Variants in EFCAB6 observed in about 807,000 individuals in gnomAD.
The protein encoded by EFCAB6 is EF-hand calcium binding domain 6.
In EFCAB6, 156 loss-of-function variants were observed where a neutral mutation model predicts 169.8. The observed-to-expected ratio is 0.92, with a 90% CI of 0.81 to 1.05. The LOEUF (loss-of-function observed/expected upper bound fraction) is 1.05. Ranked by LOEUF, EFCAB6 falls within the 50% of genes least tolerant of loss-of-function variation. The pLI, the probability that EFCAB6 is intolerant of heterozygous loss-of-function variation, is 0.00. For synonymous variants in EFCAB6, 698 were observed against 676.4 expected, an observed-to-expected ratio of 1.03 and a Z score of -0.50; for missense variants, 1,800 against 1,829.1, an observed-to-expected ratio of 0.98 and a Z score of 0.29.
intron 3 of EFCAB6, among the ~76,000 whole-genome samples, chr22:43,776,727 G>C (rs2061653683): frequency 6.6e-6 from 1 of 152,202 alleles, no homozygotes; most frequent in South Asian, 2.1e-4. Flanking sequence ...TAGCAGGTAG[G>C]ATGGAGAACA....
chr22:43,626,619 C>T lies in EFCAB6; in HGVS notation c.2293G>A (p.Asp765Asn). Residue 765 changes from aspartate to asparagine, a missense_variant, in exon 20 of 32, where the codon GAC becomes AAC. By Grantham distance (23) the Asp-to-Asn change is conservative. Transcript: ENST00000262726. ...ADRDGIINMH[D>N]LHRLLLHLLL... ...AGATGCAGGAGCAGTCTGTGAAGGT[C>T]ATGCATGTTGATTATGCCATCCCTG... 1.2e-6 allele frequency: 2 copies of T among 1,614,182 alleles called. No homozygotes were observed. Among genetic ancestry groups the T allele is most frequent in the Non-Finnish European group, 1.7e-6 (2 of 1,180,038 alleles).
At chr22:43,623,841 G>A (rs948328643) in intron 20 of EFCAB6, among the ~76,000 whole-genome samples, 4 of 150,412 alleles carry the variant, frequency 2.7e-5, no homozygotes, top group African/African-American at 9.9e-5. Flanking sequence ...CCTGGGAGAT[G>A]GAGCTTGCAG....
At chr22:43,784,574 C>CACATATATATGTGT (rs1569487338) in intron 2 of EFCAB6, among the ~76,000 whole-genome samples, 17 of 54,782 alleles carry the variant, frequency 3.1e-4, no homozygotes, top group African/African-American at 9.6e-4. Flanking sequence ...TATATGTGTA[C>CACATATATATGTGT]ATATACACAT....
intron 21 of EFCAB6, among the ~76,000 whole-genome samples, chr22:43,615,318 TC>T (rs1434751263): frequency 7.2e-5 from 11 of 152,198 alleles, no homozygotes; most frequent in Admixed American, 7.2e-4. Flanking sequence ...GACAGCCCCA[TC>T]TCAATACCAT....
intron 4 of EFCAB6, among the ~76,000 whole-genome samples, chr22:43,769,764 T>TA (rs1331408378): frequency 6.6e-6 from 1 of 152,026 alleles, no homozygotes; most frequent in Non-Finnish European, 1.5e-5. Context: ...GGCATCATCA[T>TA]AGTGGGGTGT....
intron 20 of EFCAB6, among the ~76,000 whole-genome samples, chr22:43,616,596 G>T (rs1368661917): frequency 1.2e-5 from 1 of 85,238 alleles, no homozygotes; most frequent in Non-Finnish European, 2.3e-5. Flanking sequence ...CCTGGGAGGC[G>T]GAGGTTGCAG....
At position 43,683,751 on chromosome 22, in the gene EFCAB6, T is replaced by A. The variant is rs776881612; in HGVS notation, c.1247A>T (p.Asn416Ile). 6.2e-7 allele frequency: 1 copy of A among 1,603,678 alleles called. No homozygotes were observed. Among genetic ancestry groups the A allele is most frequent in the Admixed American group, 1.7e-5 (1 of 60,008 alleles). Residue 416 changes from asparagine to isoleucine, a missense_variant, in exon 12 of 32, where the codon AAC (asparagine) becomes ATC (isoleucine). By Grantham distance (149) the Asn-to-Ile change is moderately radical (BLOSUM62 -3). Transcript: ENST00000262726. ...AGAAGGCTTTCAAAATCTTACAGTG[T>A]TGATTATCAGTAATGCTTTCTTCAG... is the stretch of plus-strand genomic sequence containing the variant. ...ASLKKALLII[N>I]TKPDGPITRE...
At chr22:43,727,273 T>C (rs1381545466) in intron 8 of EFCAB6, among the ~76,000 whole-genome samples, 3 of 151,958 alleles carry the variant, frequency 2.0e-5, no homozygotes, top group Non-Finnish European at 4.4e-5. Context: ...AAAAAATAAT[T>C]TTAAAAATTA....
chr22:43,641,526 G>A (rs1028042853), intron 17 of EFCAB6, among the ~76,000 whole-genome samples: 3 of 151,778 alleles, frequency 2.0e-5, no homozygotes, highest in South Asian at 2.1e-4. Context: ...TGAGGCAGGA[G>A]GATCGCTTGA....
chr22:43,701,653 T>C (rs1359737767), intron 10 of EFCAB6, among the ~76,000 whole-genome samples: 2 of 151,722 alleles, frequency 1.3e-5, no homozygotes, highest in African/African-American at 4.8e-5. Flanking sequence ...GGAAAATAGA[T>C]TATCTATTTG....
intron 2 of EFCAB6, among the ~76,000 whole-genome samples, chr22:43,784,588 TATGTATATATAC>T (rs2061973788): frequency 1.8e-5 from 1 of 54,986 alleles, no homozygotes; most frequent in African/African-American, 5.0e-5. Flanking sequence ...TACACATATA[TATGTATATATAC>T]ACATATATAT....
intron 6 of EFCAB6, among the ~76,000 whole-genome samples, chr22:43,737,740 C>T (rs2060202744): frequency 6.6e-6 from 1 of 150,560 alleles, no homozygotes; most frequent in Non-Finnish European, 1.5e-5. Flanking sequence ...CACACACACA[C>T]ATGCACAGAT....
chr22:43,790,308 C>G (rs771533805), intron 2 of EFCAB6, among the ~76,000 whole-genome samples: 4 of 152,154 alleles, frequency 2.6e-5, no homozygotes, highest in Non-Finnish European at 5.9e-5. Context: ...AGGTAAACTT[C>G]CAGAATTATA....
At chr22:43,614,340 T>C (rs565085020) in intron 21 of EFCAB6, among the ~76,000 whole-genome samples, 71 of 152,150 alleles carry the variant, frequency 4.7e-4, no homozygotes, top group Middle Eastern at 3.4e-3. Context: ...ATAATCAACA[T>C]ACCCTTGACA....
intron 10 of EFCAB6, among the ~76,000 whole-genome samples, chr22:43,701,321 C>T (rs1478433671): frequency 2.0e-5 from 3 of 152,310 alleles, no homozygotes; most frequent in South Asian, 4.1e-4. Context: ...CAGATTCTTC[C>T]TTCTTAGGAG....
At chr22:43,629,749 A>T (rs1238714519) in intron 19 of EFCAB6, among the ~76,000 whole-genome samples, 1 of 152,128 alleles carries the variant, frequency 6.6e-6, no homozygotes, top group Non-Finnish European at 1.5e-5. Context: ...GCGCCATCCA[A>T]GCAAAGGAAC....
At chr22:43,695,436 T>C (rs1489988230) in intron 10 of EFCAB6, among the ~76,000 whole-genome samples, 3 of 152,048 alleles carry the variant, frequency 2.0e-5, no homozygotes, top group Non-Finnish European at 4.4e-5. Flanking sequence ...TTAATGTATT[T>C]ATAATATAAA....
intron 8 of EFCAB6, among the ~76,000 whole-genome samples, chr22:43,719,010 C>T (rs1421619461): frequency 1.3e-5 from 2 of 152,182 alleles, no homozygotes; most frequent in Non-Finnish European, 2.9e-5. Context: ...CCACCTGTGA[C>T]ACTGGTACTC....
At chr22:43,617,926 A>T (rs2053810311) in intron 20 of EFCAB6, among the ~76,000 whole-genome samples, 1 of 151,796 alleles carries the variant, frequency 6.6e-6, no homozygotes, top group Admixed American at 6.6e-5. Flanking sequence ...ACATGGTGAA[A>T]CCCCGTCTCT....
Sources: allele counts gnomAD v4.1 joint callset (sites outside exome capture counted in the v4.1 genomes callset), GRCh38; gene constraint gnomAD v4.1.1; transcripts MANE v1.5; gene names NCBI Gene and HGNC (gene_info 2026-07-23, HGNC 2026-07-21).